VEPH1: variants seen among roughly 807,000 people sequenced by gnomAD.
VEPH1 encodes the protein ventricular zone expressed PH domain containing 1.
Under a neutral mutation model 85.2 loss-of-function variants are expected in VEPH1, and 80 were observed. The observed-to-expected ratio is 0.94, with a 90% CI of 0.78 to 1.13. VEPH1 has a LOEUF of 1.13. VEPH1 is among the 50% of genes most tolerant of loss of function. The pLI is 0.00. For missense variants in VEPH1, 955 were observed against 980.5 expected (o/e 0.97, Z 0.35); for synonymous variants, 297 against 348.0 (o/e 0.85, Z 1.63).
At chr3:157,321,643 GA>G (rs1482151976) in intron 9 of VEPH1, among the ~76,000 whole-genome samples, 1 of 152,126 alleles carries the variant, frequency 6.6e-6, no homozygotes, top group African/African-American at 2.4e-5. Flanking sequence ...ACCTCAAAAA[GA>G]AGTATAATTC....
intron 4 of VEPH1, among the ~76,000 whole-genome samples, chr3:157,432,089 C>G (rs1733208454): frequency 1.3e-5 from 2 of 151,982 alleles, no homozygotes; most frequent in Non-Finnish European, 2.9e-5. Flanking sequence ...ACCTTGTGAT[C>G]TGCCCGCCTC....
At chr3:157,360,157 G>A (rs758636677) in intron 9 of VEPH1, among the ~76,000 whole-genome samples, 1 of 152,142 alleles carries the variant, frequency 6.6e-6, no homozygotes, top group Non-Finnish European at 1.5e-5. Context: ...AAGCAAAATT[G>A]TGTCAGCCAG....
intron 9 of VEPH1, among the ~76,000 whole-genome samples, chr3:157,344,376 C>T (rs1723954782): frequency 6.6e-6 from 1 of 152,182 alleles, no homozygotes; most frequent in Non-Finnish European, 1.5e-5. Flanking sequence ...CATTCTTATA[C>T]ACCAATAACA....
At position 157,313,644 on chromosome 3, in the gene VEPH1, C is replaced by G; in HGVS notation, c.1987G>C (p.Glu663Gln). Residue 663 changes from glutamate (E) to glutamine (Q), a missense_variant, in exon 11 of 14, where the codon GAG becomes CAG. Physicochemically the swap from Glu to Gln is conservative, Grantham distance 29. Transcript: ENST00000362010. Reference protein sequence around the residue: ...GAHSFETAMMESTFPQQKDLD... With the variant: ...GAHSFETAMMQSTFPQQKDLD... ...ACCTTCTGCTGTGGAAACGTGGACT[C>G]CATCATGGCAGTTTCAAAGCTGTGA... 1 of 1,614,148 alleles carries G rather than the reference C, an allele frequency of 6.2e-7. No individual in the cohort carries two copies. Among genetic ancestry groups the G allele is most frequent in the South Asian group, 1.1e-5 (1 of 91,078 alleles).
chr3:157,477,545 A>G (rs1276011075), intron 2 of VEPH1, among the ~76,000 whole-genome samples: 1 of 152,046 alleles, frequency 6.6e-6, no homozygotes, highest in Non-Finnish European at 1.5e-5. Flanking sequence ...CAGCCTTGAT[A>G]AGAACTGGAG....
intron 2 of VEPH1, among the ~76,000 whole-genome samples, chr3:157,472,254 A>G (rs1317240048): frequency 6.6e-6 from 1 of 152,164 alleles, no homozygotes; most frequent in Non-Finnish European, 1.5e-5. Context: ...CAAAACACTC[A>G]CCATTTATTA....
chr3:157,359,547 AT>A (rs1349086610), intron 9 of VEPH1, among the ~76,000 whole-genome samples: 1 of 152,128 alleles, frequency 6.6e-6, no homozygotes, highest in Non-Finnish European at 1.5e-5. Flanking sequence ...GGGGTTTGAC[AT>A]TTTTTTCCAG....
At chr3:157,383,410 A>C (rs757567089) in intron 6 of VEPH1, among the ~76,000 whole-genome samples, 3 of 152,234 alleles carry the variant, frequency 2.0e-5, no homozygotes, top group Non-Finnish European at 4.4e-5. Context: ...TTCTACACCC[A>C]GTGTGTGTGT....
At chr3:157,450,600 C>T (rs1285021652) in intron 4 of VEPH1, among the ~76,000 whole-genome samples, 6 of 150,616 alleles carry the variant, frequency 4.0e-5, no homozygotes, top group Admixed American at 2.0e-4. Context: ...ATATATAGTG[C>T]TCTATCATTA....
chr3:157,498,384 T>C (rs1275125982), intron 1 of VEPH1, among the ~76,000 whole-genome samples: 1 of 152,242 alleles, frequency 6.6e-6, no homozygotes, highest in Non-Finnish European at 1.5e-5. Context: ...TATAAAATAA[T>C]GGCACAACTG....
intron 6 of VEPH1, among the ~76,000 whole-genome samples, chr3:157,382,356 ACTC>A (rs1166556976): frequency 2.0e-5 from 3 of 151,818 alleles, no homozygotes; most frequent in Non-Finnish European, 4.4e-5. Context: ...ACCTATTAAA[ACTC>A]CTCATTAGCC....
At chr3:157,461,785 T>C (rs1735898345) in intron 3 of VEPH1, among the ~76,000 whole-genome samples, 2 of 151,912 alleles carry the variant, frequency 1.3e-5, no homozygotes, top group Admixed American at 6.6e-5. Flanking sequence ...TTCAGATAGA[T>C]TGCAGATCTA....
At chr3:157,374,155 C>T (rs1275628505) in intron 7 of VEPH1, among the ~76,000 whole-genome samples, 1 of 152,178 alleles carries the variant, frequency 6.6e-6, no homozygotes, top group Non-Finnish European at 1.5e-5. Context: ...GGCCCAAAAC[C>T]GAAGCCTTTC....
intron 2 of VEPH1, among the ~76,000 whole-genome samples, chr3:157,489,766 T>G (rs1739053234): frequency 6.6e-6 from 1 of 151,978 alleles, no homozygotes; most frequent in Non-Finnish European, 1.5e-5. Flanking sequence ...CAGTACAGTG[T>G]CTGAAACATA....
rs371106674 is a variant in VEPH1 at position 157,280,681 on chromosome 3, T to C, written c.2128+5876A>G. On this transcript the variant is annotated intron_variant, in intron 12 of 13. Coordinates refer to ENST00000362010, the MANE Select transcript of VEPH1 (RefSeq NM_001167912.2). ...TGTATACAGCAATGTTTTCTTCTCATGAAAGCTAATTTTCCAAAAGATGCT... is the reference window on the plus strand; with the variant it reads ...TGTATACAGCAATGTTTTCTTCTCACGAAAGCTAATTTTCCAAAAGATGCT... 8.2e-4 allele frequency among the ~76,000 whole-genome samples: 125 copies of C among 152,330 alleles called. No homozygotes were observed. The Middle Eastern group carries it at 0.014, about 17-fold the overall frequency.
chr3:157,342,583 CT>C (rs1723715404), intron 9 of VEPH1, among the ~76,000 whole-genome samples: 1 of 152,188 alleles, frequency 6.6e-6, no homozygotes, highest in African/African-American at 2.4e-5. Flanking sequence ...TAATGGGACA[CT>C]TTAACACTCC....
At chr3:157,406,500 GAT>G (rs992131078) in intron 6 of VEPH1, among the ~76,000 whole-genome samples, 8 of 152,136 alleles carry the variant, frequency 5.3e-5, no homozygotes, top group African/African-American at 1.9e-4. Context: ...ACCTGGGCAA[GAT>G]GTGTGTCACT....
Position 157,381,342 on chromosome 3 carries a change from C to A in VEPH1, c.941G>T (p.Ser314Ile). 6.2e-7 allele frequency: 1 copy of A among 1,614,188 alleles called. No homozygotes were observed. Among genetic ancestry groups the A allele is most frequent in the Non-Finnish European group, 8.5e-7 (1 of 1,180,032 alleles). ...CGAATGCTCCATGTTGGCCAGTTGG[C>A]TCACCAGGTATGTCAGGCAGCTCCT... is the stretch of plus-strand genomic sequence containing the variant. ...RARSCLTYLV[S>I]QLANMEHSFH... is the part of the protein sequence containing the mutation. Residue 314 changes from serine (S) to isoleucine (I), a missense_variant, in exon 7 of 14, where the codon AGC becomes ATC. Ser to Ile is a moderately radical substitution (Grantham distance 142). Coordinates refer to ENST00000362010, the MANE Select transcript of VEPH1 (RefSeq NM_001167912.2).
chr3:157,310,005 C>G (rs189971091), intron 11 of VEPH1, among the ~76,000 whole-genome samples: 63 of 152,270 alleles, frequency 4.1e-4, no homozygotes, highest in Admixed American at 2.0e-3. Flanking sequence ...GTCTTGAACT[C>G]CTGACCTCAG....
Sources: gnomAD v4.1 joint callset for allele counts (sites outside exome capture counted in the v4.1 genomes callset) on GRCh38, gnomAD v4.1.1 for gene constraint, MANE v1.5 for transcripts, NCBI Gene and HGNC (gene_info 2026-07-23, HGNC 2026-07-21) for gene names.